NUP98: variants seen among roughly 807,000 people sequenced by gnomAD.
The protein encoded by NUP98 is nuclear pore complex protein Nup98-Nup96.
In NUP98, 26 loss-of-function variants were observed where a neutral mutation model predicts 191.9. The observed-to-expected ratio is 0.14, with a 90% confidence interval of 0.10 to 0.19. NUP98 has a LOEUF of 0.19. NUP98 is among the 10% of genes least tolerant of loss of function. NUP98 has a pLI of 1.00. For synonymous variants in NUP98, 808 were observed against 778.4 expected, an observed-to-expected ratio of 1.04 and a Z score of -0.63; for missense variants, 1,941 against 2,178.8, an observed-to-expected ratio of 0.89 and a Z score of 2.17.
At chr11:3,759,620 T>C (rs1589899370) in intron 10 of NUP98, among the ~76,000 whole-genome samples, 3 of 151,964 alleles carry the variant, frequency 2.0e-5, no homozygotes, top group Admixed American at 2.0e-4. Context: ...AATAAATAAA[T>C]AAAATAATAT....
chr11:3,764,720 AGGTG>A (rs1445059040), intron 8 of NUP98, among the ~76,000 whole-genome samples: 1 of 152,224 alleles, frequency 6.6e-6, no homozygotes, highest in African/African-American at 2.4e-5. Flanking sequence ...CTGGAACTAC[AGGTG>A]GGCACCACCA....
At chr11:3,736,772 G>GCTACAGAGGAAGGCAGCATAC (rs2080078525) in intron 12 of NUP98, among the ~76,000 whole-genome samples, 3 of 152,072 alleles carry the variant, frequency 2.0e-5, no homozygotes, top group African/African-American at 7.2e-5. Flanking sequence ...GTACATTAAG[G>GCTACAGAGGAAGGCAGCATAC]CTACAGAGGA....
chr11:3,677,979 TACAC>T (rs35187001), intron 31 of NUP98, among the ~76,000 whole-genome samples: 1 of 150,674 alleles, frequency 6.6e-6, no homozygotes, highest in African/African-American at 2.4e-5. Flanking sequence ...TCTACTAAAA[TACAC>T]ACACACACAC....
intron 12 of NUP98, among the ~76,000 whole-genome samples, chr11:3,741,775 G>A (rs2080294318): frequency 6.6e-6 from 1 of 152,154 alleles, no homozygotes; most frequent in Non-Finnish European, 1.5e-5. Flanking sequence ...ATGCTTTTGA[G>A]GATAGAGGGC....
intron 1 of NUP98, among the ~76,000 whole-genome samples, chr11:3,794,315 T>A (rs922832248): frequency 3.9e-5 from 6 of 152,080 alleles, no homozygotes; most frequent in African/African-American, 1.4e-4. Context: ...CATACTGTTT[T>A]GTTTTGTTTC....
At chr11:3,724,787 A>AAAAAAAAAAAAAAAAAAAAAAAAAAAC (rs2079550959) in intron 15 of NUP98, among the ~76,000 whole-genome samples, 1 of 150,600 alleles carries the variant, frequency 6.6e-6, no homozygotes, top group Non-Finnish European at 1.5e-5. Context: ...TCTCAAAAAA[A>AAAAAAAAAAAAAAAAAAAAAAAAAAAC]AAAAAGAAAG....
At chr11:3,788,771 A>T (rs2082232576) in intron 1 of NUP98, among the ~76,000 whole-genome samples, 2 of 151,360 alleles carry the variant, frequency 1.3e-5, no homozygotes, top group Non-Finnish European at 1.5e-5. Flanking sequence ...GCAAGGAGAA[A>T]CCCCGTCTCT....
chr11:3,693,498 T>C, intron 26 of NUP98, 123 bp from the exon 27 acceptor site: 1 of 995,598 alleles, frequency 1.0e-6, no homozygotes, highest in Non-Finnish European at 1.5e-6. Context: ...ATATAAAATA[T>C]ACAAATATAA....
At chr11:3,744,142 GGAA>G (rs2080399153) in intron 12 of NUP98, among the ~76,000 whole-genome samples, 1 of 152,140 alleles carries the variant, frequency 6.6e-6, no homozygotes, top group African/African-American at 2.4e-5. Flanking sequence ...TAATTATATT[GGAA>G]GAAGTAAATA....
At chr11:3,733,478 A>AT (rs1344792800) in intron 13 of NUP98, among the ~76,000 whole-genome samples, 2 of 151,378 alleles carry the variant, frequency 1.3e-5, no homozygotes. Flanking sequence ...TGCCTGGCTA[A>AT]TTTTTTTTTA....
intron 17 of NUP98, among the ~76,000 whole-genome samples, chr11:3,720,410 T>C (rs2079346848): frequency 6.6e-6 from 1 of 152,082 alleles, no homozygotes; most frequent in East Asian, 1.9e-4. Flanking sequence ...AAGAATATTA[T>C]ATGGTTCTGT....
chr11:3,744,681 A>G, intron 11 of NUP98, 32 bp from the exon 12 acceptor site: 2 of 1,580,952 alleles, frequency 1.3e-6, no homozygotes, highest in South Asian at 1.2e-5. Context: ...AAAAAGCACC[A>G]CAGAAGATCC....
rs80054573 is a variant in NUP98 at position 3,762,821 on chromosome 11, A to G, written c.1086+81T>C. 6.9e-5 allele frequency: 103 copies of G among 1,490,916 alleles called. No individual in the cohort carries two copies. The East Asian group carries it at 2.2e-3, about 32-fold the overall frequency. The allele number at this position is 1,490,916 out of a possible 1,614,324, so 92.4% of individuals were successfully genotyped here. A position where few individuals can be genotyped will look rare whatever the true frequency, so the allele number is the denominator to read the frequency against. ...AATACACCCAATAAAAATACCTGCA[A>G]AACAGTCAAATCCTTAGAAGAAAAT... On this transcript the variant is annotated intron_variant, in intron 9 of 32. Transcript: ENST00000324932.
intron 11 of NUP98, among the ~76,000 whole-genome samples, chr11:3,749,269 C>A (rs1364573289): frequency 2.0e-5 from 3 of 150,596 alleles, no homozygotes; most frequent in Non-Finnish European, 4.4e-5. Flanking sequence ...GATTGCACCA[C>A]TGCAGTCCGC....
intron 30 of NUP98, among the ~76,000 whole-genome samples, chr11:3,680,573 A>T (rs573304406): frequency 2.0e-5 from 3 of 151,948 alleles, no homozygotes; most frequent in African/African-American, 7.2e-5. Context: ...TTGGGGTCTC[A>T]CTCTCTCACT....
intron 14 of NUP98, among the ~76,000 whole-genome samples, chr11:3,729,624 G>C (rs929009391): frequency 6.8e-6 from 1 of 147,960 alleles, no homozygotes; most frequent in African/African-American, 2.5e-5. Flanking sequence ...ACTGAGGTGG[G>C]AGGATCACCT....
Position 3,776,633 on chromosome 11 carries a change from C to T in NUP98, c.356-612G>A, listed in dbSNP as rs367833994. On this transcript the variant is annotated intron_variant, in intron 4 of 32. Coordinates refer to ENST00000324932, the MANE Select transcript of NUP98 (RefSeq NM_016320.5). ...CTGAGTAGCTGGGACTACAGGTGCC[C>T]GCCACCAAACCCGGCTAATTTTTTG... Among the ~76,000 whole-genome samples, 416 of 151,888 alleles carry T rather than the reference C, an allele frequency of 2.7e-3. 3 individuals carry two copies. The highest frequency in any genetic ancestry group is 9.1e-3 in the African/African-American group (378 of 41,452).
At chr11:3,732,264 T>C (rs75800676) in intron 13 of NUP98, among the ~76,000 whole-genome samples, 2,872 of 152,264 alleles carry the variant, frequency 0.019, 89 homozygotes, top group African/African-American at 0.066. Context: ...AATCCAAAGA[T>C]GATGAATCTG....
At chr11:3,727,168 C>T (rs1043074086) in intron 14 of NUP98, among the ~76,000 whole-genome samples, 5 of 152,012 alleles carry the variant, frequency 3.3e-5, no homozygotes, top group Admixed American at 1.3e-4. Context: ...TGGGTAGGGA[C>T]GCTGTAAGAA....
Sources: allele counts gnomAD v4.1 joint callset (sites outside exome capture counted in the v4.1 genomes callset), GRCh38; gene constraint gnomAD v4.1.1; transcripts MANE v1.5; gene names NCBI Gene and HGNC (gene_info 2026-07-23, HGNC 2026-07-21).